ZFAND3: variants seen among roughly 807,000 people sequenced by gnomAD.
ZFAND3 encodes the protein zinc finger AN1-type containing 3, also known as AN1-type zinc finger protein 3.
A neutral mutation model predicts 29.6 loss-of-function variants in ZFAND3; 10 were observed. The observed-to-expected ratio is 0.34, with a 90% CI of 0.21 to 0.57. The LOEUF (loss-of-function observed/expected upper bound fraction) is 0.57. Among genes scored for constraint, ZFAND3 ranks in the 20% least tolerant of loss-of-function variants. The pLI is 0.86. For missense variants in ZFAND3, 230 were observed against 304.5 expected (o/e 0.76, Z 1.82); for synonymous variants, 128 against 112.6 (o/e 1.14, Z -0.87).
At position 38,019,453 on chromosome 6, in the gene ZFAND3, C is replaced by G. The variant is rs75434752; in HGVS notation, c.113-42140C>G. Reference sequence around the variant, plus strand: ...TCACATTAAGAAAATGAGTCCTTTTCTATACTGTGTGTTGCAAATATTTTC... The same window carrying G: ...TCACATTAAGAAAATGAGTCCTTTTGTATACTGTGTGTTGCAAATATTTTC... On this transcript the variant is annotated intron_variant, in intron 2 of 5. Coordinates refer to ENST00000287218, the MANE Select transcript of ZFAND3 (RefSeq NM_021943.3). Among the ~76,000 whole-genome samples, 1,114 of 152,084 alleles carry G rather than the reference C, an allele frequency of 7.3e-3. 12 individuals carry two copies. Among genetic ancestry groups the G allele is most frequent in the African/African-American group, 0.025 (1,045 of 41,478 alleles).
chr6:38,014,334 T>A (rs964172772), intron 2 of ZFAND3, among the ~76,000 whole-genome samples: 3 of 148,410 alleles, frequency 2.0e-5, no homozygotes, highest in Admixed American at 6.7e-5. Flanking sequence ...ATTATTATTT[T>A]TTTTTTTTTG....
chr6:38,116,706 C>G lies in ZFAND3; in HGVS notation c.496C>G (p.Leu166Val). Residue 166 changes from leucine to valine, a missense_variant, in exon 5 of 6, where the codon CTG (leucine) becomes GTG (valine). Physicochemically the swap from Leu to Val is conservative, Grantham distance 32. Coordinates refer to ENST00000287218, the MANE Select transcript of ZFAND3 (RefSeq NM_021943.3). ...CTTCCAGTGCCAAACCAAACTGGAG[C>G]TGGTGCAGCAGGAATTGGGATCGTG... ...RCFQCQTKLE[L>V]VQQELGSCRC... is the part of the protein sequence containing the mutation. 1.2e-6 allele frequency: 2 copies of G among 1,614,100 alleles called. No homozygotes were observed. Among genetic ancestry groups the G allele is most frequent in the Non-Finnish European group, 1.7e-6 (2 of 1,179,966 alleles).
At chr6:38,010,325 G>A (rs556191933) in intron 2 of ZFAND3, among the ~76,000 whole-genome samples, 1 of 152,294 alleles carries the variant, frequency 6.6e-6, no homozygotes, top group East Asian at 1.9e-4. Flanking sequence ...CATATAGACA[G>A]TGGCCTCAGT....
At chr6:38,014,094 A>G (rs1307653967) in intron 2 of ZFAND3, among the ~76,000 whole-genome samples, 1 of 151,960 alleles carries the variant, frequency 6.6e-6, no homozygotes, top group Non-Finnish European at 1.5e-5. Context: ...TTGCAAGGGG[A>G]GAGAGAGAGA....
intron 2 of ZFAND3, among the ~76,000 whole-genome samples, chr6:37,974,370 T>G (rs1762440983): frequency 1.4e-5 from 2 of 147,134 alleles, no homozygotes; most frequent in Non-Finnish European, 3.0e-5. Flanking sequence ...TGGCCTGAAA[T>G]CATGCATTAT....
chr6:37,821,226 G>C (rs547609069), intron 1 of ZFAND3, among the ~76,000 whole-genome samples: 77 of 152,324 alleles, frequency 5.1e-4, no homozygotes, highest in African/African-American at 1.8e-3. Flanking sequence ...TCTTAATGTA[G>C]ACTTCTGTGG....
At chr6:38,137,346 G>A (rs948231053) in intron 5 of ZFAND3, among the ~76,000 whole-genome samples, 1 of 152,220 alleles carries the variant, frequency 6.6e-6, no homozygotes, top group African/African-American at 2.4e-5. Context: ...TGAACTGTGT[G>A]GTGATGGTGT....
intron 4 of ZFAND3, among the ~76,000 whole-genome samples, chr6:38,089,042 T>G (rs913252626): frequency 3.9e-5 from 6 of 152,334 alleles, no homozygotes; most frequent in Middle Eastern, 3.4e-3. Flanking sequence ...TGACATGAAC[T>G]AGAATAGCTT....
chr6:38,144,567 C>T (rs1198520243), intron 5 of ZFAND3, among the ~76,000 whole-genome samples: 1 of 152,198 alleles, frequency 6.6e-6, no homozygotes, highest in Non-Finnish European at 1.5e-5. Flanking sequence ...GCTGCCACCT[C>T]GGGCTGCACA....
rs1187585973 is a variant in ZFAND3, at chr6:38,045,096, T to TGA, written c.113-16497_113-16496insGA. ...TTTATTTATTTATTTATTTATTTAT[T>TGA]TATTTATTGAGATGGAATCTCACTC... On this transcript the variant is annotated intron_variant, in intron 2 of 5. Coordinates refer to ENST00000287218, the MANE Select transcript of ZFAND3 (RefSeq NM_021943.3). 1.8e-3 allele frequency among the ~76,000 whole-genome samples: 266 copies of TGA among 150,302 alleles called. 1 individual carries two copies. The highest frequency in any genetic ancestry group is 6.3e-3 in the African/African-American group (257 of 41,096).
rs368358350 is a variant in ZFAND3 at position 37,891,416 on chromosome 6, T to TCCCCCGCCCC, written c.72-38538_72-38537insGCCCCCCCCC. On this transcript the variant is annotated intron_variant, in intron 1 of 5. Transcript: ENST00000287218. Reference sequence around the variant, plus strand: ...TTTGACAAATAGTTGGAGATTTCAGTCCCCCCCCCCGCCTTTAAAATACAA... The same window carrying TCCCCCGCCCC: ...TTTGACAAATAGTTGGAGATTTCAGTCCCCCGCCCCCCCCCCCCCCGCCTTTAAAATACAA... Among the ~76,000 whole-genome samples, 4 of 117,196 alleles carry TCCCCCGCCCC rather than the reference T, an allele frequency of 3.4e-5. No homozygotes were observed. The East Asian group carries it at 8.0e-4, about 23-fold the overall frequency. The allele number at this position is 117,196 out of a possible 152,430, so 76.9% of individuals were successfully genotyped here.
In ZFAND3 at chr6:38,031,401, T is replaced by C. The variant is rs1378281321; in HGVS notation, c.113-30192T>C. The stretch of plus-strand genomic sequence containing the variant: ...ATCTATGTTTTATGCCTTAAACTTT[T>C]ATCTGTGACCCCACTATGCTCAGCC... On this transcript the variant is annotated intron_variant, in intron 2 of 5. Coordinates refer to ENST00000287218, the MANE Select transcript of ZFAND3 (RefSeq NM_021943.3). 2.0e-5 allele frequency among the ~76,000 whole-genome samples: 3 copies of C among 152,244 alleles called. No homozygotes were observed. In the East Asian group the frequency reaches 5.8e-4, roughly 29 times the overall value.
chr6:38,039,673 G>C (rs896109324), intron 2 of ZFAND3, among the ~76,000 whole-genome samples: 3 of 152,164 alleles, frequency 2.0e-5, no homozygotes, highest in Admixed American at 1.3e-4. Context: ...GTAGTGCATG[G>C]AAAAGTATAA....
intron 5 of ZFAND3, among the ~76,000 whole-genome samples, chr6:38,144,211 A>ATATATAATATATATAT (rs70981524): frequency 4.4e-5 from 2 of 45,878 alleles, no homozygotes; most frequent in Non-Finnish European, 7.9e-5. Flanking sequence ...ATATATATAT[A>ATATATAATATATATAT]ATATATAATA....
At position 38,045,761 on chromosome 6, in the gene ZFAND3, A is replaced by C. The variant is rs376576798; in HGVS notation, c.113-15832A>C. 1.4e-4 allele frequency among the ~76,000 whole-genome samples: 21 copies of C among 152,350 alleles called. 1 individual carries two copies. In the East Asian group the frequency reaches 3.9e-3, roughly 28 times the overall value. On this transcript the variant is annotated intron_variant, in intron 2 of 5. Coordinates refer to ENST00000287218, the MANE Select transcript of ZFAND3 (RefSeq NM_021943.3). ...CTTTTTAAAATGATGATATCAGGAC[A>C]AAGGGAAAATACAGATTGAGTAGTA...
At chr6:37,922,970 A>T in intron 1 of ZFAND3, among the ~76,000 whole-genome samples, 1 of 152,260 alleles carries the variant, frequency 6.6e-6, no homozygotes, top group Non-Finnish European at 1.5e-5. Context: ...TTAATAATAA[A>T]TTAGCTTTAG....
chr6:38,148,481 A>T (rs1240219015), intron 5 of ZFAND3, among the ~76,000 whole-genome samples: 1 of 152,166 alleles, frequency 6.6e-6, no homozygotes. Flanking sequence ...AATGAGGTAG[A>T]GGAAGTGTTA....
intron 2 of ZFAND3, among the ~76,000 whole-genome samples, chr6:37,945,612 T>A (rs1483445272): frequency 6.6e-6 from 1 of 152,198 alleles, no homozygotes; most frequent in African/African-American, 2.4e-5. Context: ...TGAACTCCAG[T>A]GATCCACCTG....
At chr6:38,050,390 T>C (rs1393410756) in intron 2 of ZFAND3, among the ~76,000 whole-genome samples, 2 of 152,088 alleles carry the variant, frequency 1.3e-5, no homozygotes. Context: ...GTGATATGGT[T>C]TGGCTGTGTC....
Sources: allele counts gnomAD v4.1 joint callset (sites outside exome capture counted in the v4.1 genomes callset), GRCh38; gene constraint gnomAD v4.1.1; transcripts MANE v1.5; gene names NCBI Gene and HGNC (gene_info 2026-07-23, HGNC 2026-07-21).